Variants in BRINP2 observed in about 807,000 individuals in gnomAD.
BRINP2 encodes BMP/retinoic acid inducible neural specific 2.
BRINP2 carries 21 observed loss-of-function variants against 69.2 expected under a neutral mutation model. The ratio of observed to expected loss-of-function variants is 0.30; its 90% CI spans 0.22 to 0.44. BRINP2 has a LOEUF of 0.44. Ranked by LOEUF, BRINP2 falls within the 20% of genes least tolerant of loss-of-function variation. The probability of loss-of-function intolerance (pLI) is 1.00; values close to 1 mark genes in which losing one functional copy is unlikely to be tolerated. For synonymous variants in BRINP2, 380 were observed against 394.1 expected, an observed-to-expected ratio of 0.96 and a Z score of 0.42; for missense variants, 877 against 986.0, an observed-to-expected ratio of 0.89 and a Z score of 1.48.
intron 1 of BRINP2, among the ~76,000 whole-genome samples, chr1:177,207,254 CT>C (rs1649093313): frequency 6.6e-6 from 1 of 152,102 alleles, no homozygotes; most frequent in Non-Finnish European, 1.5e-5. Context: ...AAGATGTTAC[CT>C]AGAGCCTGAG....
chr1:177,211,228 A>G (rs1014163573), intron 1 of BRINP2, among the ~76,000 whole-genome samples: 10 of 152,146 alleles, frequency 6.6e-5, no homozygotes, highest in South Asian at 4.1e-4. Flanking sequence ...CAAGATGTCA[A>G]TGTTGGCCCC....
At chr1:177,212,378 T>C (rs753325191) in intron 1 of BRINP2, among the ~76,000 whole-genome samples, 3 of 152,056 alleles carry the variant, frequency 2.0e-5, no homozygotes, top group Non-Finnish European at 4.4e-5. Context: ...ACCCCATCTC[T>C]ACTGAAAATA....
In BRINP2 at chr1:177,229,870, G is replaced by A; in HGVS notation, c.-7G>A. 1.3e-6 allele frequency: 2 copies of A among 1,573,038 alleles called. No homozygotes were observed. Among genetic ancestry groups the A allele is most frequent in the Non-Finnish European group, 1.7e-6 (2 of 1,154,274 alleles). ...GAGAATGAAGAAACCAATCGCCCGG[G>A]AGAAGCATGAGGTGGCAGTGTGGCA... On this transcript the variant is annotated 5_prime_UTR_variant, in exon 2 of 8. Transcript: ENST00000361539.
intron 1 of BRINP2, among the ~76,000 whole-genome samples, chr1:177,223,961 C>T (rs150009674): frequency 2.0e-5 from 3 of 152,126 alleles, no homozygotes; most frequent in Non-Finnish European, 2.9e-5. Flanking sequence ...AAACCAGGAG[C>T]ACATCGTCAA....
intron 1 of BRINP2, among the ~76,000 whole-genome samples, chr1:177,220,521 T>C (rs925062232): frequency 2.6e-5 from 4 of 152,152 alleles, no homozygotes; most frequent in African/African-American, 9.7e-5. Context: ...GATTATAAGT[T>C]TTCTGAGGCC....
At chr1:177,173,036 C>T (rs1571878226) in intron 1 of BRINP2, among the ~76,000 whole-genome samples, 1 of 152,132 alleles carries the variant, frequency 6.6e-6, no homozygotes, top group East Asian at 1.9e-4. Context: ...TATACCAAAT[C>T]CCCCGGGGGG....
intron 1 of BRINP2, among the ~76,000 whole-genome samples, chr1:177,182,524 A>G (rs1571883671): frequency 1.3e-5 from 2 of 152,290 alleles, no homozygotes; most frequent in East Asian, 3.9e-4. Flanking sequence ...TGGAGGCTTT[A>G]TGCAAAGGCT....
At chr1:177,210,830 T>C (rs1394109588) in intron 1 of BRINP2, among the ~76,000 whole-genome samples, 1 of 151,538 alleles carries the variant, frequency 6.6e-6, no homozygotes, top group East Asian at 1.9e-4. Context: ...ATACCAGATC[T>C]CAGACTCAGT....
chr1:177,187,700 A>G (rs1397137226), intron 1 of BRINP2, among the ~76,000 whole-genome samples: 1 of 152,222 alleles, frequency 6.6e-6, no homozygotes, highest in Non-Finnish European at 1.5e-5. Flanking sequence ...GCTCTTGAAC[A>G]GTGAATGTTG....
At chr1:177,196,923 T>G (rs1648764440) in intron 1 of BRINP2, among the ~76,000 whole-genome samples, 1 of 152,116 alleles carries the variant, frequency 6.6e-6, no homozygotes. Flanking sequence ...TGCTATGAAC[T>G]GAATTGCTCC....
At chr1:177,278,857 C>T (rs2102364839) in intron 7 of BRINP2, 72 bp downstream of exon 7, 2 of 1,475,034 alleles carry the variant, frequency 1.4e-6, no homozygotes, top group South Asian at 2.3e-5. Context: ...AAGGAGAACC[C>T]TCTGTCCAAT....
intron 1 of BRINP2, among the ~76,000 whole-genome samples, chr1:177,198,684 C>T (rs1230628461): frequency 1.3e-5 from 2 of 152,200 alleles, no homozygotes; most frequent in East Asian, 3.9e-4. Flanking sequence ...GCTGTTTCTT[C>T]ATCCCTCATT....
chr1:177,255,842 C>T (rs1238494884), intron 2 of BRINP2, 77 bp from the exon 3 acceptor site: 2 of 1,431,918 alleles, frequency 1.4e-6, no homozygotes, highest in Non-Finnish European at 1.9e-6. Flanking sequence ...GGAGGAAGAA[C>T]ATTACCTACT....
intron 1 of BRINP2, among the ~76,000 whole-genome samples, chr1:177,229,480 T>C (rs1475670575): frequency 6.6e-6 from 1 of 152,192 alleles, no homozygotes; most frequent in African/African-American, 2.4e-5. Context: ...CAACATAACA[T>C]AAGGGTTAAG....
At chr1:177,194,834 G>A (rs953841485) in intron 1 of BRINP2, among the ~76,000 whole-genome samples, 5 of 152,092 alleles carry the variant, frequency 3.3e-5, no homozygotes, top group African/African-American at 1.2e-4. Flanking sequence ...GCATGGCCCA[G>A]TAGTCTCTGG....
intron 2 of BRINP2, among the ~76,000 whole-genome samples, chr1:177,232,152 G>A (rs1389399451): frequency 6.6e-6 from 1 of 152,150 alleles, no homozygotes; most frequent in East Asian, 1.9e-4. Flanking sequence ...TTGAAGTCAG[G>A]CTGGGAGTCC....
intron 2 of BRINP2, among the ~76,000 whole-genome samples, chr1:177,238,957 T>C (rs1329423440): frequency 1.3e-5 from 2 of 152,190 alleles, no homozygotes; most frequent in African/African-American, 4.8e-5. Flanking sequence ...ATGAGGACAC[T>C]GAGTTTTAGA....
intron 1 of BRINP2, among the ~76,000 whole-genome samples, chr1:177,216,246 GTTTTC>G (rs1649371604): frequency 1.3e-5 from 2 of 151,908 alleles, no homozygotes; most frequent in East Asian, 1.9e-4. Flanking sequence ...TATGTATTTT[GTTTTC>G]TTTTGTTTTG....
chr1:177,274,334 A>T (rs1335068787), intron 5 of BRINP2, among the ~76,000 whole-genome samples: 1 of 152,208 alleles, frequency 6.6e-6, no homozygotes, highest in Non-Finnish European at 1.5e-5. Context: ...ATTTTTCTCA[A>T]GGCCTAACTG....
Sources: gnomAD v4.1 joint callset for allele counts (sites outside exome capture counted in the v4.1 genomes callset) on GRCh38, gnomAD v4.1.1 for gene constraint, MANE v1.5 for transcripts, NCBI Gene and HGNC (gene_info 2026-07-23, HGNC 2026-07-21) for gene names.